GFRA1: variants seen among roughly 807,000 people sequenced by gnomAD.
The protein encoded by GFRA1 is GDNF family receptor alpha-1.
Under a neutral mutation model 51.6 loss-of-function variants are expected in GFRA1, and 16 were observed. The observed-to-expected ratio is 0.31, with a 90% CI of 0.21 to 0.47. The LOEUF (loss-of-function observed/expected upper bound fraction) is 0.47, where lower values mean the gene tolerates loss of function less well. GFRA1 is among the 20% of genes least tolerant of loss of function. The pLI is 1.00. For missense variants in GFRA1, 530 were observed against 594.3 expected, an observed-to-expected ratio of 0.89 and a Z score of 1.13; for synonymous variants, 270 against 241.3, an observed-to-expected ratio of 1.12 and a Z score of -1.10.
At chr10:116,261,975 C>G (rs953338651) in intron 4 of GFRA1, among the ~76,000 whole-genome samples, 1 of 152,170 alleles carries the variant, frequency 6.6e-6, no homozygotes, top group African/African-American at 2.4e-5. Context: ...TGGATCCATA[C>G]ACTTTTACCA....
rs530864701 is a variant in GFRA1 at position 116,242,410 on chromosome 10, G to T, written c.418+27093C>A. On this transcript the variant is annotated intron_variant, in intron 4 of 10. Transcript: ENST00000355422. Reference sequence around the variant, plus strand: ...GGTAACGATAATTTGTTCCCAAAAAGCTAAACAATATACACTAAATCATTT... The same window carrying T: ...GGTAACGATAATTTGTTCCCAAAAATCTAAACAATATACACTAAATCATTT... Among the ~76,000 whole-genome samples the T allele has an allele frequency of 4.6e-5, 7 of 152,154 alleles. No individual in the cohort carries two copies. The South Asian group carries it at 1.5e-3, about 32-fold the overall frequency.
intron 5 of GFRA1, among the ~76,000 whole-genome samples, chr10:116,204,323 T>C (rs928729938): frequency 2.6e-5 from 4 of 152,256 alleles, no homozygotes; most frequent in African/African-American, 9.6e-5. Flanking sequence ...TGGTTATATA[T>C]ATAAATATTT....
intron 4 of GFRA1, among the ~76,000 whole-genome samples, chr10:116,249,166 A>C (rs1157352692): frequency 2.0e-5 from 3 of 151,902 alleles, no homozygotes; most frequent in African/African-American, 7.3e-5. Flanking sequence ...TTACACTTGG[A>C]TTTTCTATGT....
chr10:116,071,862 T>C (rs1410456043), intron 9 of GFRA1, among the ~76,000 whole-genome samples: 1 of 152,234 alleles, frequency 6.6e-6, no homozygotes. Flanking sequence ...ATTCTATTTT[T>C]TTTTTAAAGA....
intron 5 of GFRA1, among the ~76,000 whole-genome samples, chr10:116,209,028 C>T (rs1034074135): frequency 5.3e-5 from 8 of 152,164 alleles, no homozygotes; most frequent in Non-Finnish European, 1.5e-5. Flanking sequence ...CCCTGGAACT[C>T]GTATGTAGAA....
At chr10:116,128,516 G>A (rs1056717595) in intron 5 of GFRA1, among the ~76,000 whole-genome samples, 2 of 151,990 alleles carry the variant, frequency 1.3e-5, no homozygotes, top group African/African-American at 4.8e-5. Flanking sequence ...ACAAGGTCAG[G>A]AGATCGAGAC....
intron 4 of GFRA1, among the ~76,000 whole-genome samples, chr10:116,223,234 A>G (rs1163382144): frequency 6.6e-6 from 1 of 152,234 alleles, no homozygotes; most frequent in Non-Finnish European, 1.5e-5. Flanking sequence ...ATCTCTAGCA[A>G]TAGAACATTC....
chr10:116,074,799 C>G (rs1165703896), intron 9 of GFRA1, among the ~76,000 whole-genome samples: 1 of 152,148 alleles, frequency 6.6e-6, no homozygotes, highest in African/African-American at 2.4e-5. Flanking sequence ...TGTTTGCTTC[C>G]ACATAAGGGA....
intron 9 of GFRA1, among the ~76,000 whole-genome samples, chr10:116,082,456 C>T (rs1218529821): frequency 2.0e-5 from 3 of 147,426 alleles, no homozygotes; most frequent in East Asian, 2.0e-4. Context: ...CAGCTCAAAC[C>T]GCCCCTTGCT....
intron 5 of GFRA1, among the ~76,000 whole-genome samples, chr10:116,210,602 C>T (rs1483006762): frequency 6.6e-6 from 1 of 152,150 alleles, no homozygotes; most frequent in Non-Finnish European, 1.5e-5. Flanking sequence ...TCTTAAAAGA[C>T]AATACGACAG....
At chr10:116,125,051 A>G (rs1362447359) in intron 6 of GFRA1, among the ~76,000 whole-genome samples, 170 bp downstream of exon 6, 1 of 152,026 alleles carries the variant, frequency 6.6e-6, no homozygotes, top group East Asian at 1.9e-4. Flanking sequence ...CTTCTGAAGA[A>G]CCCCGTGGCA....
intron 9 of GFRA1, among the ~76,000 whole-genome samples, chr10:116,087,270 G>C (rs112249638): frequency 3.4e-4 from 1 of 2,910 alleles, no homozygotes; most frequent in Non-Finnish European, 0.016. Flanking sequence ...GGATTTGGGC[G>C]GGGGGCGGAG....
chr10:116,064,057 TG>T lies in GFRA1; in HGVS notation c.*340del, dbSNP rs1460130576. 1 of 114,530 alleles carries T rather than the reference TG, an allele frequency of 8.7e-6. No homozygotes were observed. The highest frequency in any genetic ancestry group is 1.7e-4 in the Admixed American group (1 of 5,918). 7.1% of individuals were successfully genotyped at this position (114,530 alleles called of 1,614,324 possible). ...GTTAAAATCATCATCATGATCATGA[TG>T]ATCATCATCATGATCATGATGATCA... On this transcript the variant is annotated 3_prime_UTR_variant, in exon 11 of 11. Transcript: ENST00000355422.
chr10:116,115,777 C>G (rs983899481), intron 6 of GFRA1, among the ~76,000 whole-genome samples: 1 of 152,100 alleles, frequency 6.6e-6, no homozygotes, highest in Non-Finnish European at 1.5e-5. Flanking sequence ...TGAAATTTAT[C>G]CAGTTGGGTT....
intron 5 of GFRA1, among the ~76,000 whole-genome samples, chr10:116,128,150 A>G (rs1302106861): frequency 6.6e-6 from 1 of 152,236 alleles, no homozygotes; most frequent in Non-Finnish European, 1.5e-5. Context: ...GCCGAGCACT[A>G]CATTCAGACT....
intron 6 of GFRA1, among the ~76,000 whole-genome samples, chr10:116,098,002 G>A (rs991100504): frequency 3.9e-5 from 6 of 152,172 alleles, no homozygotes; most frequent in South Asian, 4.1e-4. Context: ...ATCCAAGACC[G>A]CAGTTCGCTG....
At chr10:116,231,457 G>C (rs1346479516) in intron 4 of GFRA1, among the ~76,000 whole-genome samples, 5 of 152,118 alleles carry the variant, frequency 3.3e-5, no homozygotes. Context: ...CCTCATATAA[G>C]GCATGGGGAT....
intron 4 of GFRA1, among the ~76,000 whole-genome samples, chr10:116,246,591 C>T (rs941250660): frequency 3.9e-5 from 6 of 152,108 alleles, no homozygotes; most frequent in African/African-American, 1.4e-4. Context: ...ATTACTGTCC[C>T]TAGACACTGA....
intron 5 of GFRA1, among the ~76,000 whole-genome samples, chr10:116,149,938 G>C (rs1446757050): frequency 6.6e-6 from 1 of 152,156 alleles, no homozygotes; most frequent in African/African-American, 2.4e-5. Context: ...CTCCGCAAAG[G>C]ATCCCTGGAA....
Sources: allele counts gnomAD v4.1 joint callset (sites outside exome capture counted in the v4.1 genomes callset), GRCh38; gene constraint gnomAD v4.1.1; transcripts MANE v1.5; gene names NCBI Gene and HGNC (gene_info 2026-07-23, HGNC 2026-07-21).